Variants in TTC34 observed in about 807,000 individuals in gnomAD.
TTC34 encodes tetratricopeptide repeat domain 34.
Under a neutral mutation model 40.7 loss-of-function variants are expected in TTC34, and 44 were observed. The ratio of observed to expected loss-of-function variants is 1.08; its 90% confidence interval spans 0.85 to 1.39. The LOEUF (loss-of-function observed/expected upper bound fraction) is 1.39, where lower values mean the gene tolerates loss of function less well. Among genes scored for constraint, TTC34 ranks in the 40% most tolerant of loss-of-function variants. The pLI, the probability that TTC34 is intolerant of heterozygous loss-of-function variation, is 0.00. For synonymous variants in TTC34, 422 were observed against 398.6 expected, an observed-to-expected ratio of 1.06 and a Z score of -0.70; for missense variants, 884 against 838.0, an observed-to-expected ratio of 1.05 and a Z score of -0.68.
chr1:2,785,871 C>T (rs1643579935), exon 5 of TTC34: 1 of 1,542,470 alleles, frequency 6.5e-7, no homozygotes, highest in East Asian at 2.5e-5. Context: ...TGGTGTGAAC[C>T]CTGCCGTCGG....
At chr1:2,749,451 T>A (rs1227080094) in intron 6 of TTC34, among the ~76,000 whole-genome samples, 6 of 79,952 alleles carry the variant, frequency 7.5e-5, no homozygotes, top group African/African-American at 4.5e-4. Context: ...CACCCCCAGG[T>A]GAGCATCTGA....
chr1:2,687,767 CCT>C (rs1640431696), intron 6 of TTC34, among the ~76,000 whole-genome samples: 1 of 143,138 alleles, frequency 7.0e-6, no homozygotes, highest in African/African-American at 2.8e-5. Context: ...GAACCCACAC[CCT>C]GAGGCGAGCA....
chr1:2,694,732 C>T (rs557136656), intron 6 of TTC34, among the ~76,000 whole-genome samples: 11 of 76,616 alleles, frequency 1.4e-4, no homozygotes, highest in Non-Finnish European at 2.9e-4. Context: ...CATCTGACAT[C>T]GTGGAGCAGC....
intron 6 of TTC34, among the ~76,000 whole-genome samples, chr1:2,652,030 G>A (rs12734173): frequency 0.94 from 69,726 of 74,178 alleles, 33,179 homozygotes; most frequent in South Asian, 0.96. Context: ...ACATCGTGGA[G>A]CAGCAGCCCA....
intron 6 of TTC34, among the ~76,000 whole-genome samples, chr1:2,698,762 C>T (rs1640986210): frequency 1.3e-5 from 2 of 149,866 alleles, no homozygotes; most frequent in African/African-American, 4.9e-5. Flanking sequence ...GGAGCAGGAC[C>T]CACACCCCCA....
intron 6 of TTC34, among the ~76,000 whole-genome samples, chr1:2,685,994 C>T (rs1222552862): frequency 7.9e-6 from 1 of 126,730 alleles, no homozygotes; most frequent in Non-Finnish European, 1.7e-5. Flanking sequence ...GTATCAGCAC[C>T]CACACCCCCA....
At chr1:2,752,201 A>G (rs1443902247) in intron 6 of TTC34, among the ~76,000 whole-genome samples, 1 of 81,184 alleles carries the variant, frequency 1.2e-5, no homozygotes, top group Non-Finnish European at 2.3e-5. Flanking sequence ...CCTGGAACAG[A>G]ACCCACACCC....
intron 6 of TTC34, among the ~76,000 whole-genome samples, chr1:2,760,040 AC>A (rs1641644808): frequency 2.0e-4 from 17 of 84,076 alleles, no homozygotes; most frequent in Non-Finnish European, 2.5e-4. Context: ...CAGCGCCCAC[AC>A]ACCCAAGTGA....
In TTC34 at chr1:2,700,057, A is replaced by G. The variant is rs1641059341; in HGVS notation, c.2227-54494T>C. 2.5e-5 allele frequency among the ~76,000 whole-genome samples: 3 copies of G among 122,180 alleles called. 1 individual carries two copies. In the Admixed American group the frequency reaches 2.6e-4, roughly 11 times the overall value. 80.2% of individuals were successfully genotyped at this position (122,180 alleles called of 152,430 possible). On this transcript the variant is annotated intron_variant, in intron 6 of 8. Coordinates refer to ENST00000401095, the Ensembl canonical transcript of TTC34. ...AGCCTGGAGCAGCGCCCACACCCAG[A>G]GGTGAGCATATGACCACCTGGAGCA...
intron 6 of TTC34, among the ~76,000 whole-genome samples, chr1:2,695,136 G>A (rs1357261009): frequency 3.3e-4 from 4 of 12,262 alleles, no homozygotes; most frequent in Admixed American, 2.4e-3. Flanking sequence ...ATCTGACAGC[G>A]TGGAACAGCA....
chr1:2,790,852 G>A (rs1259917136), intron 2 of TTC34, among the ~76,000 whole-genome samples: 1 of 152,190 alleles, frequency 6.6e-6, no homozygotes, highest in Non-Finnish European at 1.5e-5. Flanking sequence ...GCCAAGTGGG[G>A]ACCCAGCCCT....
chr1:2,644,518 G>A (rs761674293), intron 7 of TTC34, 40 bp from the exon 8 acceptor site: 1 of 1,511,682 alleles, frequency 6.6e-7, no homozygotes, highest in South Asian at 1.2e-5. Context: ...GTGTGGGGTT[G>A]GGCAGAGGTG....
intron 6 of TTC34, among the ~76,000 whole-genome samples, chr1:2,751,931 C>T (rs1320952547): frequency 8.6e-6 from 1 of 115,914 alleles, no homozygotes; most frequent in Non-Finnish European, 1.7e-5. Flanking sequence ...CACGCATAAC[C>T]ACAGGTGAAC....
At chr1:2,756,691 G>C (rs1641518193) in intron 6 of TTC34, among the ~76,000 whole-genome samples, 10 of 3,892 alleles carry the variant, frequency 2.6e-3, no homozygotes, top group Non-Finnish European at 3.5e-3. Flanking sequence ...CTGAAATCCT[G>C]GAACAGCACC....
chr1:2,677,704 T>C (rs1175635709), intron 6 of TTC34, among the ~76,000 whole-genome samples: 1 of 127,798 alleles, frequency 7.8e-6, no homozygotes. Flanking sequence ...CAGATGAGCA[T>C]CTGACAGCCT....
intron 6 of TTC34, among the ~76,000 whole-genome samples, chr1:2,750,569 A>T (rs1444660139): frequency 7.1e-5 from 1 of 14,038 alleles, no homozygotes. Context: ...CCACACCCCC[A>T]GGTGAGCATC....
intron 6 of TTC34, among the ~76,000 whole-genome samples, chr1:2,683,240 A>C (rs1437737454): frequency 1.4e-5 from 2 of 145,632 alleles, no homozygotes. Context: ...CCCCCAAGTG[A>C]GCATCTGATG....
intron 5 of TTC34, among the ~76,000 whole-genome samples, chr1:2,785,493 C>T (rs540879962): frequency 2.0e-5 from 3 of 152,252 alleles, no homozygotes; most frequent in South Asian, 4.1e-4. Context: ...GCAGGGACCT[C>T]GCCTCCTTGT....
intron 6 of TTC34, among the ~76,000 whole-genome samples, chr1:2,769,712 C>T (rs548014202): frequency 6.8e-6 from 1 of 148,104 alleles, no homozygotes; most frequent in Non-Finnish European, 1.5e-5. Flanking sequence ...GCACCCACAC[C>T]CCCAGGTGAG....
Sources: allele counts gnomAD v4.1 joint callset (sites outside exome capture counted in the v4.1 genomes callset), GRCh38; gene constraint gnomAD v4.1.1; transcripts MANE v1.5; gene names NCBI Gene and HGNC (gene_info 2026-07-23, HGNC 2026-07-21).